NYAP2: variants seen among roughly 807,000 people sequenced by gnomAD.
NYAP2 encodes neuronal tyrosine-phosphorylated phosphoinositide-3-kinase adapter 2.
In NYAP2, 23 loss-of-function variants were observed where a neutral mutation model predicts 50.4. The ratio of observed to expected loss-of-function variants is 0.46; its 90% CI spans 0.33 to 0.65. The LOEUF (loss-of-function observed/expected upper bound fraction) is 0.65, where lower values mean the gene tolerates loss of function less well. Ranked by LOEUF, NYAP2 falls within the 30% of genes least tolerant of loss-of-function variation. The probability of loss-of-function intolerance (pLI) is 0.02; values close to 1 mark genes in which losing one functional copy is unlikely to be tolerated. For missense variants in NYAP2, 885 were observed against 861.0 expected (o/e 1.03, Z -0.35); for synonymous variants, 394 against 365.2 (o/e 1.08, Z -0.90).
chr2:225,622,681 G>C (rs1693142274), intron 5 of NYAP2, among the ~76,000 whole-genome samples: 1 of 151,202 alleles, frequency 6.6e-6, no homozygotes. Context: ...CCGGGTTCAA[G>C]CGATTCTTAT....
chr2:225,627,032 G>T (rs748331588), exon 6 of NYAP2: 2 of 1,596,122 alleles, frequency 1.3e-6, no homozygotes, highest in South Asian at 1.1e-5. Context: ...TCAAAGCTCA[G>T]GAATGGGATG....
chr2:225,545,503 A>G (rs768089419), intron 4 of NYAP2, among the ~76,000 whole-genome samples: 3 of 152,032 alleles, frequency 2.0e-5, no homozygotes, highest in Non-Finnish European at 4.4e-5. Context: ...TGTCAATTGC[A>G]TTTTCAACTC....
intron 5 of NYAP2, among the ~76,000 whole-genome samples, chr2:225,618,109 C>T (rs1693021001): frequency 6.6e-6 from 1 of 151,916 alleles, no homozygotes; most frequent in African/African-American, 2.4e-5. Flanking sequence ...AATGTAATAC[C>T]CTGTTTGCTT....
intron 6 of NYAP2, among the ~76,000 whole-genome samples, chr2:225,644,583 T>A (rs1482161064): frequency 6.7e-6 from 1 of 150,122 alleles, no homozygotes; most frequent in Non-Finnish European, 1.5e-5. Flanking sequence ...AGGTCTAACG[T>A]TTAAGTCTTT....
chr2:225,441,648 C>T (rs1689472903), intron 3 of NYAP2, among the ~76,000 whole-genome samples: 1 of 151,960 alleles, frequency 6.6e-6, no homozygotes, highest in South Asian at 2.1e-4. Flanking sequence ...GGGAATCTGC[C>T]CCTTTTAAGC....
chr2:225,462,749 T>G (rs908670260), intron 3 of NYAP2, among the ~76,000 whole-genome samples: 1 of 152,114 alleles, frequency 6.6e-6, no homozygotes, highest in East Asian at 1.9e-4. Flanking sequence ...CTAGTCAGAT[T>G]GAAATATAAT....
chr2:225,693,191 T>C, the NYAP2 span, among the ~76,000 whole-genome samples: 2 of 152,112 alleles, frequency 1.3e-5, no homozygotes, highest in African/African-American at 4.8e-5. Flanking sequence ...TAATTACACT[T>C]AGTCATTGGG....
chr2:225,596,612 A>AT (rs886818085), intron 5 of NYAP2, among the ~76,000 whole-genome samples: 91 of 152,168 alleles, frequency 6.0e-4, no homozygotes, highest in African/African-American at 1.9e-3. Flanking sequence ...TCTAAAGCTA[A>AT]TTTTTTTTAA....
intron 6 of NYAP2, among the ~76,000 whole-genome samples, chr2:225,646,334 G>A (rs750730966): frequency 3.3e-5 from 5 of 152,164 alleles, no homozygotes; most frequent in South Asian, 2.1e-4. Flanking sequence ...GGCAGATCAC[G>A]TGAGGTCGGG....
At chr2:225,622,557 CTTTTTCT>C (rs1405855229) in intron 5 of NYAP2, among the ~76,000 whole-genome samples, 3 of 48,664 alleles carry the variant, frequency 6.2e-5, no homozygotes, top group African/African-American at 9.3e-5. Flanking sequence ...TTCTTTCTTT[CTTTTTCT>C]TTCTTTCTTT....
At chr2:225,479,177 G>A (rs1472110895) in intron 3 of NYAP2, among the ~76,000 whole-genome samples, 1 of 152,102 alleles carries the variant, frequency 6.6e-6, no homozygotes, top group Non-Finnish European at 1.5e-5. Context: ...GAAAGAGTAA[G>A]AATTACAGCA....
At chr2:225,566,088 A>C (rs1691955768) in intron 4 of NYAP2, among the ~76,000 whole-genome samples, 1 of 152,184 alleles carries the variant, frequency 6.6e-6, no homozygotes, top group Non-Finnish European at 1.5e-5. Context: ...AGAGTTTATA[A>C]TTGTACCTAC....
Position 225,578,525 on chromosome 2 carries a change from C to T in NYAP2, c.524-3416C>T, listed in dbSNP as rs78714046. Among the ~76,000 whole-genome samples, 985 of 152,214 alleles carry T rather than the reference C, an allele frequency of 6.5e-3. 14 individuals carry two copies. The highest frequency in any genetic ancestry group is 0.023 in the African/African-American group (941 of 41,518). Reference sequence around the variant, plus strand: ...TCAGATTTAAGTAGTAAGCGCCTTCCACAAATTAGAAACTGGAGAGTCAGA... The same window carrying T: ...TCAGATTTAAGTAGTAAGCGCCTTCTACAAATTAGAAACTGGAGAGTCAGA... On this transcript the variant is annotated intron_variant, in intron 4 of 6. Coordinates refer to ENST00000636099, the Ensembl canonical transcript of NYAP2.
intron 3 of NYAP2, among the ~76,000 whole-genome samples, chr2:225,462,691 C>T (rs1302464906): frequency 6.6e-6 from 1 of 152,150 alleles, no homozygotes; most frequent in Non-Finnish European, 1.5e-5. Flanking sequence ...TGAATCAGAG[C>T]ACAATCAGAA....
intron 3 of NYAP2, among the ~76,000 whole-genome samples, chr2:225,433,574 A>T (rs1689308282): frequency 2.0e-5 from 3 of 152,132 alleles, no homozygotes; most frequent in Non-Finnish European, 2.9e-5. Flanking sequence ...TGTCTATTTT[A>T]GTTTGTATGA....
intron 3 of NYAP2, among the ~76,000 whole-genome samples, chr2:225,456,753 T>C (rs1375625660): frequency 6.6e-6 from 1 of 152,154 alleles, no homozygotes; most frequent in Non-Finnish European, 1.5e-5. Context: ...GAGGAAGAGT[T>C]TTTGTGTCTG....
chr2:225,464,027 A>G (rs1433892822), intron 3 of NYAP2, among the ~76,000 whole-genome samples: 2 of 152,196 alleles, frequency 1.3e-5, no homozygotes, highest in Non-Finnish European at 2.9e-5. Flanking sequence ...TTGTGGAAGG[A>G]GGACCCAGCA....
intron 5 of NYAP2, among the ~76,000 whole-genome samples, chr2:225,599,168 G>A (rs1692656718): frequency 6.6e-6 from 1 of 152,156 alleles, no homozygotes; most frequent in Admixed American, 6.6e-5. Flanking sequence ...GAGTTCCCGA[G>A]TTATATGCCC....
At chr2:225,558,147 T>G (rs908990536) in intron 4 of NYAP2, among the ~76,000 whole-genome samples, 1 of 152,166 alleles carries the variant, frequency 6.6e-6, no homozygotes, top group African/African-American at 2.4e-5. Context: ...TGTTTTGCAT[T>G]ATTAAGAACT....
Sources: gnomAD v4.1 joint callset for allele counts (sites outside exome capture counted in the v4.1 genomes callset) on GRCh38, gnomAD v4.1.1 for gene constraint, MANE v1.5 for transcripts, NCBI Gene and HGNC (gene_info 2026-07-23, HGNC 2026-07-21) for gene names.